Variants in CSMD1 observed in about 807,000 individuals in gnomAD.
CSMD1 encodes the protein CUB and Sushi multiple domains 1, also known as CUB and sushi domain-containing protein 1.
A neutral mutation model predicts 417.5 loss-of-function variants in CSMD1; 213 were observed. That is an observed-to-expected ratio of 0.51 (90% CI 0.46 to 0.57). The LOEUF is 0.57. Among genes scored for constraint, CSMD1 ranks in the 20% least tolerant of loss-of-function variants. CSMD1 has a pLI of 0.00. For synonymous variants in CSMD1, 2,862 were observed against 1,736.8 expected (o/e 1.65, Z -16.11); for missense variants, 6,923 against 4,529.7 (o/e 1.53, Z -15.17).
intron 27 of CSMD1, 77 bp from the exon 28 acceptor site, chr8:3,223,944 CA>C: frequency 7.0e-7 from 1 of 1,419,760 alleles, no homozygotes; most frequent in Non-Finnish European, 9.7e-7. Flanking sequence ...AAGGAGACAC[CA>C]CAGAATTCTT....
chr8:4,221,789 A>G (rs534741114), intron 3 of CSMD1, among the ~76,000 whole-genome samples: 3 of 152,300 alleles, frequency 2.0e-5, no homozygotes, highest in East Asian at 3.9e-4. Flanking sequence ...ACATTCTGAA[A>G]GGTGGACCTC....
intron 3 of CSMD1, among the ~76,000 whole-genome samples, chr8:4,284,453 C>T (rs948319935): frequency 6.7e-6 from 1 of 149,282 alleles, no homozygotes; most frequent in African/African-American, 2.5e-5. Context: ...TCCGTGTTCC[C>T]TCCCCGTCAC....
At chr8:3,394,318 G>A (rs1811555917) in intron 17 of CSMD1, among the ~76,000 whole-genome samples, 1 of 149,096 alleles carries the variant, frequency 6.7e-6, no homozygotes, top group Admixed American at 6.7e-5. Flanking sequence ...TAGTGAGGAT[G>A]ACAAGCTAAA....
chr8:4,195,522 C>G (rs892515048), intron 3 of CSMD1, among the ~76,000 whole-genome samples: 2 of 152,172 alleles, frequency 1.3e-5, no homozygotes, highest in Non-Finnish European at 1.5e-5. Context: ...ATCCCCTGCT[C>G]TTGACTGTGA....
At chr8:4,669,462 A>C (rs1008301563) in intron 1 of CSMD1, among the ~76,000 whole-genome samples, 5 of 152,128 alleles carry the variant, frequency 3.3e-5, no homozygotes, top group Admixed American at 3.3e-4. Context: ...ACTACTTGGA[A>C]CTCAGGATGT....
intron 10 of CSMD1, among the ~76,000 whole-genome samples, chr8:3,566,355 TA>T (rs1799707704): frequency 6.6e-6 from 1 of 152,014 alleles, no homozygotes; most frequent in Non-Finnish European, 1.5e-5. Flanking sequence ...CAACAAAATT[TA>T]AAGGTGGATA....
chr8:3,383,964 T>C (rs1420967344), intron 18 of CSMD1, among the ~76,000 whole-genome samples: 1 of 152,140 alleles, frequency 6.6e-6, no homozygotes. Context: ...GGAAAGAAGC[T>C]GGACAAACAG....
chr8:4,400,303 C>A (rs368211118), intron 3 of CSMD1, among the ~76,000 whole-genome samples: 1 of 152,154 alleles, frequency 6.6e-6, no homozygotes, highest in Non-Finnish European at 1.5e-5. Flanking sequence ...AATGGGATTT[C>A]GCAGTTCCTG....
chr8:4,957,875 T>A lies in CSMD1; in HGVS notation c.85+36457A>T, dbSNP rs539138009. ...GCAGTCACTCTGCCAGCCCCTGCAA[T>A]ATGGAAGTGTGGATTGATAAAGCTG... On this transcript the variant is annotated intron_variant, in intron 1 of 69. Coordinates refer to ENST00000635120, the MANE Select transcript of CSMD1 (RefSeq NM_033225.6). 5.3e-5 allele frequency among the ~76,000 whole-genome samples: 8 copies of A among 152,294 alleles called. No individual in the cohort carries two copies. In the South Asian group the frequency reaches 1.2e-3, roughly 24 times the overall value.
At chr8:3,879,327 A>G (rs1457169370) in intron 5 of CSMD1, among the ~76,000 whole-genome samples, 4 of 140,392 alleles carry the variant, frequency 2.8e-5, no homozygotes, top group Admixed American at 1.4e-4. Flanking sequence ...AATCTAAATC[A>G]TTACAAGATT....
At chr8:3,018,167 G>A (rs1024361760) in intron 52 of CSMD1, among the ~76,000 whole-genome samples, 1 of 152,094 alleles carries the variant, frequency 6.6e-6, no homozygotes, top group Non-Finnish European at 1.5e-5. Context: ...AACATAAAAT[G>A]TACAATATTT....
At chr8:3,640,134 T>G (rs1462160273) in intron 7 of CSMD1, among the ~76,000 whole-genome samples, 1 of 152,234 alleles carries the variant, frequency 6.6e-6, no homozygotes, top group Non-Finnish European at 1.5e-5. Context: ...GTCCCACTTT[T>G]TCTTGCGTAA....
chr8:4,831,388 G>T (rs904401138), intron 1 of CSMD1, among the ~76,000 whole-genome samples: 8 of 152,086 alleles, frequency 5.3e-5, no homozygotes, highest in African/African-American at 1.9e-4. Flanking sequence ...CAATGACAAA[G>T]GACAAAACTG....
At chr8:3,490,846 A>C (rs943188398) in intron 11 of CSMD1, among the ~76,000 whole-genome samples, 3 of 151,542 alleles carry the variant, frequency 2.0e-5, no homozygotes, top group Non-Finnish European at 4.4e-5. Context: ...CAGATGTAGG[A>C]CTCTGTTTTT....
intron 46 of CSMD1, among the ~76,000 whole-genome samples, chr8:3,097,508 G>C (rs1183258233): frequency 2.6e-5 from 4 of 152,156 alleles, no homozygotes; most frequent in African/African-American, 4.8e-5. Flanking sequence ...GATGCCTGAT[G>C]CTGCAGATGG....
At chr8:4,138,054 T>A (rs1803541603) in intron 3 of CSMD1, among the ~76,000 whole-genome samples, 2 of 8,258 alleles carry the variant, frequency 2.4e-4, no homozygotes, top group African/African-American at 1.8e-4. Context: ...ATTTTTTTTT[T>A]TTTTTTTTTT....
At chr8:4,049,960 G>C (rs1279554337) in intron 3 of CSMD1, among the ~76,000 whole-genome samples, 2 of 152,142 alleles carry the variant, frequency 1.3e-5, no homozygotes, top group African/African-American at 4.8e-5. Context: ...CTCTTTAGGT[G>C]TCTCCTGGCT....
chr8:4,636,685 G>C (rs1802831135), intron 2 of CSMD1, among the ~76,000 whole-genome samples: 1 of 152,198 alleles, frequency 6.6e-6, no homozygotes, highest in African/African-American at 2.4e-5. Context: ...AACAAAGTCA[G>C]TGATAACTTT....
At chr8:3,182,843 T>G (rs2440722) in intron 36 of CSMD1, 2,157 of 11,758 alleles carry the variant, frequency 0.18, 299 homozygotes, top group Middle Eastern at 0.3. Context: ...TATAAGAAGG[T>G]GTGTGTGTGT....
Sources: allele counts gnomAD v4.1 joint callset (sites outside exome capture counted in the v4.1 genomes callset), GRCh38; gene constraint gnomAD v4.1.1; transcripts MANE v1.5; gene names NCBI Gene and HGNC (gene_info 2026-07-23, HGNC 2026-07-21).